The following INSL6 variants were observed in gnomAD, a reference collection of about 807,000 sequenced individuals.
INSL6 encodes the protein insulin-like peptide INSL6.
In INSL6, 16 loss-of-function variants were observed where a neutral mutation model predicts 9.4. The ratio of observed to expected loss-of-function variants is 1.70; its 90% confidence interval spans 1.15 to 2.59. INSL6 has a LOEUF of 2.59. INSL6 is among the 30% of genes most tolerant of loss of function. The pLI, the probability that INSL6 is intolerant of heterozygous loss-of-function variation, is 0.00. For missense variants in INSL6, 391 were observed against 257.3 expected, an observed-to-expected ratio of 1.52 and a Z score of -3.56; for synonymous variants, 154 against 96.9, an observed-to-expected ratio of 1.59 and a Z score of -3.46.
the INSL6 span, chr9:5,112,581 T>A: frequency 2.8e-6 from 2 of 715,266 alleles, no homozygotes; most frequent in East Asian, 5.8e-5. Flanking sequence ...TGCGGGTCCC[T>A]TAAGAGGGCT....
the INSL6 span, chr9:5,109,672 T>C: frequency 3.9e-5 from 6 of 152,188 alleles, no homozygotes; most frequent in African/African-American, 1.4e-4. Flanking sequence ...GAAGTCATTA[T>C]CTCAAACTGA....
downstream of INSL6, among the ~76,000 whole-genome samples, chr9:5,161,203 C>T (rs1330259614): frequency 6.6e-6 from 1 of 152,068 alleles, no homozygotes; most frequent in African/African-American, 2.4e-5. Context: ...ACTAGTAAAC[C>T]AAACGCAACA....
At chr9:5,094,608 C>A in the INSL6 span, 2 of 152,120 alleles carry the variant, frequency 1.3e-5, no homozygotes, top group Non-Finnish European at 2.9e-5. Flanking sequence ...ACCATCATGA[C>A]CCTTAGCCAT....
the INSL6 span, among the ~76,000 whole-genome samples, chr9:5,065,354 C>A: frequency 7.0e-3 from 1,070 of 152,248 alleles, 10 homozygotes; most frequent in African/African-American, 0.025. Context: ...TTTTAAAATA[C>A]TGCAAGGAAG....
chr9:5,059,330 TA>T, the INSL6 span, among the ~76,000 whole-genome samples: 1 of 152,226 alleles, frequency 6.6e-6, no homozygotes, highest in South Asian at 2.1e-4. Context: ...TGTATTCTTT[TA>T]AAATCTAGAT....
chr9:5,102,405 T>C, the INSL6 span, among the ~76,000 whole-genome samples: 1 of 152,096 alleles, frequency 6.6e-6, no homozygotes, highest in Non-Finnish European at 1.5e-5. Context: ...AAAGACCAAA[T>C]CTACATTTGA....
At position 5,131,435 on chromosome 9, in the gene INSL6, A is replaced by AT. The variant is rs550915336; in HGVS notation, c.*10+1989dup. Among the ~76,000 whole-genome samples, 588 of 115,824 alleles carry AT rather than the reference A, an allele frequency of 5.1e-3. 25 individuals are homozygous for AT. Among genetic ancestry groups the AT allele is most frequent in the South Asian group, 0.02 (77 of 3,770 alleles). 76.0% of individuals were successfully genotyped at this position (115,824 alleles called of 152,430 possible). A position where few individuals can be genotyped will look rare whatever the true frequency, so the allele number is the denominator to read the frequency against. On this transcript the variant is annotated intron_variant, in intron 3 of 3. Coordinates refer to the INSL6 transcript ENST00000649639. ...AATTCTTTAACACCACCAGTTAACA[A>AT]TTTTTTTTTTTTTTTTTTTGAGACA...
chr9:5,070,914 A>G, the INSL6 span, among the ~76,000 whole-genome samples: 7 of 152,318 alleles, frequency 4.6e-5, no homozygotes, highest in Non-Finnish European at 1.0e-4. Context: ...ACGAGTTAAA[A>G]GTGAGACTAT....
chr9:5,146,754 T>C (rs759219807), intron 2 of INSL6, among the ~76,000 whole-genome samples: 18 of 152,156 alleles, frequency 1.2e-4, no homozygotes, highest in Admixed American at 2.0e-4. Context: ...AGCAAAGCAA[T>C]GTAGGCAGTT....
At chr9:5,138,724 C>T (rs1048918468) in intron 2 of INSL6, among the ~76,000 whole-genome samples, 2 of 52,944 alleles carry the variant, frequency 3.8e-5, no homozygotes, top group African/African-American at 9.5e-5. Context: ...AGAACTTAAA[C>T]TATAATAAAA....
chr9:5,073,725 A>G, the INSL6 span: 1 of 1,612,292 alleles, frequency 6.2e-7, no homozygotes, highest in Non-Finnish European at 8.5e-7. Flanking sequence ...AAGTATGATG[A>G]GCAAGCTTTC....
At chr9:5,036,144 G>C in the INSL6 span, among the ~76,000 whole-genome samples, 1 of 151,514 alleles carries the variant, frequency 6.6e-6, no homozygotes, top group Non-Finnish European at 1.5e-5. Flanking sequence ...GCTTCAAAGA[G>C]AATACCTAGG....
chr9:4,992,073 A>G, the INSL6 span, among the ~76,000 whole-genome samples: 8 of 152,314 alleles, frequency 5.3e-5, no homozygotes, highest in African/African-American at 9.6e-5. Flanking sequence ...TTGCTCCACA[A>G]TGGCTACTAG....
intron 2 of INSL6, among the ~76,000 whole-genome samples, chr9:5,146,197 T>A (rs1486543808): frequency 6.6e-6 from 1 of 152,160 alleles, no homozygotes; most frequent in Admixed American, 6.5e-5. Context: ...TTGGCCTTGT[T>A]TCTTGAAGAT....
the INSL6 span, among the ~76,000 whole-genome samples, chr9:5,051,022 T>A: frequency 6.6e-6 from 1 of 152,184 alleles, no homozygotes; most frequent in Admixed American, 6.5e-5. Context: ...GGCATTGAAC[T>A]TACCAGTTGA....
intron 3 of INSL6, among the ~76,000 whole-genome samples, chr9:5,131,428 G>A (rs1181917416): frequency 8.4e-6 from 1 of 119,280 alleles, no homozygotes; most frequent in Non-Finnish European, 1.7e-5. Context: ...AACACCACCA[G>A]TTAACAATTT....
the INSL6 span, among the ~76,000 whole-genome samples, chr9:5,092,637 A>G: frequency 6.6e-6 from 1 of 152,220 alleles, no homozygotes. Context: ...AAGCCCTTAT[A>G]CCTTCTGCAT....
the INSL6 span, chr9:5,072,590 A>G: frequency 6.2e-7 from 1 of 1,610,304 alleles, no homozygotes; most frequent in Non-Finnish European, 8.5e-7. Context: ...AAGTTCTTTT[A>G]AAAGTTCTGG....
chr9:4,996,928 C>CTTTTTTT, the INSL6 span, among the ~76,000 whole-genome samples: 5 of 94,706 alleles, frequency 5.3e-5, no homozygotes, highest in African/African-American at 8.9e-5. Context: ...TTAGTTTGTT[C>CTTTTTTT]TTTTTTTTTT....
Sources: gnomAD v4.1 joint callset for allele counts (sites outside exome capture counted in the v4.1 genomes callset) on GRCh38, gnomAD v4.1.1 for gene constraint, MANE v1.5 for transcripts, NCBI Gene and HGNC (gene_info 2026-07-23, HGNC 2026-07-21) for gene names.